The following MTDH variants were observed in gnomAD, a reference collection of about 807,000 sequenced individuals.
The protein encoded by MTDH is protein LYRIC.
A neutral mutation model predicts 72.7 loss-of-function variants in MTDH; 34 were observed. That is an observed-to-expected ratio of 0.47 (90% CI 0.36 to 0.62). The LOEUF (loss-of-function observed/expected upper bound fraction) is 0.62, where lower values mean the gene tolerates loss of function less well. MTDH is among the 20% of genes least tolerant of loss of function. The pLI, the probability that MTDH is intolerant of heterozygous loss-of-function variation, is 0.00. For missense variants in MTDH, 677 were observed against 699.4 expected (o/e 0.97, Z 0.36); for synonymous variants, 266 against 268.9 (o/e 0.99, Z 0.10).
chr8:97,687,716 T>G (rs902973736), intron 4 of MTDH, 111 bp downstream of exon 4: 1 of 924,766 alleles, frequency 1.1e-6, no homozygotes, highest in Non-Finnish European at 1.6e-6. Context: ...AACATCATTG[T>G]GCTGATATAC....
intron 9 of MTDH, among the ~76,000 whole-genome samples, chr8:97,714,568 G>C (rs1026560976): frequency 1.3e-5 from 2 of 150,248 alleles, no homozygotes; most frequent in Non-Finnish European, 2.9e-5. Flanking sequence ...TCACACTACT[G>C]TACTCCAGCC....
intron 1 of MTDH, among the ~76,000 whole-genome samples, chr8:97,650,676 C>T (rs1473545252): frequency 2.0e-5 from 3 of 152,142 alleles, no homozygotes; most frequent in Non-Finnish European, 2.9e-5. Flanking sequence ...TATTGTAACA[C>T]CTAGCATAAT....
In MTDH at chr8:97,644,646, A is replaced by T; in HGVS notation, c.140A>T (p.Tyr47Phe). The T allele has an allele frequency of 3.1e-6, 5 of 1,609,638 alleles. No individual in the cohort carries two copies. The highest frequency in any genetic ancestry group is 4.2e-6 in the Non-Finnish European group (5 of 1,178,992). ...GACCTGGGGCTGGAGCCGAAACGGT[A>T]CCCCGGCTGGGTGATCCTGGTGGGC... ...GLDLGLEPKR[Y>F]PGWVILVGTG... The change falls in exon 1 of 12, where the codon TAC becomes TTC. Residue 47 changes from tyrosine to phenylalanine, a missense_variant. Physicochemically the swap from Tyr to Phe is conservative, Grantham distance 22. Around this residue, in one of 3 missense-constraint regions of MTDH, gnomAD observed 467 missense variants for 469.1 expected, o/e 1.00. Coordinates refer to ENST00000336273, the MANE Select transcript of MTDH (RefSeq NM_178812.4).
In MTDH at chr8:97,716,419, G is replaced by A. The variant is rs548679944; in HGVS notation, c.1381-2630G>A. 8.6e-5 allele frequency among the ~76,000 whole-genome samples: 13 copies of A among 151,836 alleles called. No individual in the cohort carries two copies. The South Asian group carries it at 2.5e-3, about 29-fold the overall frequency. On this transcript the variant is annotated intron_variant, in intron 9 of 11. Coordinates refer to ENST00000336273, the MANE Select transcript of MTDH (RefSeq NM_178812.4). ...AGAAAAAAAAAGTTAGGCCGGGTGC[G>A]GTGGCTCATGCCTGTAATCCCAGCA...
At chr8:97,687,322 A>G (rs549652426) in intron 3 of MTDH, 107 bp from the exon 4 acceptor site, 5 of 919,538 alleles carry the variant, frequency 5.4e-6, no homozygotes, top group Non-Finnish European at 7.8e-6. Context: ...CTTAACATCT[A>G]AATTTATCAT....
intron 2 of MTDH, among the ~76,000 whole-genome samples, chr8:97,678,897 C>T (rs944153124): frequency 1.3e-5 from 2 of 152,070 alleles, no homozygotes; most frequent in Non-Finnish European, 2.9e-5. Flanking sequence ...CAGAAAATAG[C>T]CAATTTTTGA....
chr8:97,677,514 A>AAAG (rs1286372581), intron 2 of MTDH, among the ~76,000 whole-genome samples: 2 of 151,690 alleles, frequency 1.3e-5, no homozygotes, highest in Non-Finnish European at 2.9e-5. Flanking sequence ...AGAAAGAAAG[A>AAAG]AAGAAAAGAA....
rs1815279288 is a variant in MTDH at position 97,724,504 on chromosome 8, CATT to C, written c.1679-95_1679-93del. The C allele has an allele frequency of 8.5e-6, 7 of 819,620 alleles. No homozygotes were observed. The Admixed American group carries it at 1.7e-4, about 19-fold the overall frequency. 50.8% of individuals were successfully genotyped at this position (819,620 alleles called of 1,614,324 possible). On this transcript the variant is annotated intron_variant, in intron 11 of 11. Coordinates refer to ENST00000336273, the MANE Select transcript of MTDH (RefSeq NM_178812.4). Reference sequence around the variant, plus strand: ...AACATAAAATTTGAGTATTTTAAAACATTGTTTCATAGTTACTACTTTTATATT... The same window carrying C: ...AACATAAAATTTGAGTATTTTAAAACGTTTCATAGTTACTACTTTTATATT...
chr8:97,719,760 A>G lies in MTDH; in HGVS notation c.1521+571A>G, dbSNP rs900074461. ...CTAAATATCTAGGCATACAAGGGATAGACAGCTTAGACATAGAGAAAATAT... is the reference window on the plus strand; with the variant it reads ...CTAAATATCTAGGCATACAAGGGATGGACAGCTTAGACATAGAGAAAATAT... On this transcript the variant is annotated intron_variant, in intron 10 of 11. Coordinates refer to ENST00000336273, the MANE Select transcript of MTDH (RefSeq NM_178812.4). 1.5e-4 allele frequency among the ~76,000 whole-genome samples: 23 copies of G among 152,310 alleles called. 1 individual carries two copies. The highest frequency in any genetic ancestry group is 5.3e-4 in the African/African-American group (22 of 41,580).
intron 2 of MTDH, among the ~76,000 whole-genome samples, chr8:97,686,062 A>G (rs1813349926): frequency 6.6e-6 from 1 of 152,196 alleles, no homozygotes; most frequent in Non-Finnish European, 1.5e-5. Flanking sequence ...GTATTTTCAC[A>G]TTGCTTTGAA....
intron 1 of MTDH, among the ~76,000 whole-genome samples, chr8:97,652,076 T>C (rs1811793730): frequency 1.3e-5 from 2 of 152,232 alleles, no homozygotes; most frequent in African/African-American, 4.8e-5. Context: ...TTAGCTCCCC[T>C]AACCTGCAGC....
chr8:97,724,591 CTT>C lies in MTDH; in HGVS notation c.1679-4_1679-3del, dbSNP rs1563575290. On this transcript the variant is annotated splice_region_variant and splice_polypyrimidine_tract_variant and intron_variant, in intron 11 of 11. Transcript: ENST00000336273. Reference sequence around the variant, plus strand: ...TTTTTTTCTTCGTTTTCCCCCTTTTCTTTTTTAGCCAAGTCTGAAACTAGCTG... The same window carrying C: ...TTTTTTTCTTCGTTTTCCCCCTTTTCTTTTAGCCAAGTCTGAAACTAGCTG... The C allele has an allele frequency of 6.3e-7, 1 of 1,575,534 alleles. No individual in the cohort carries two copies. Among genetic ancestry groups the C allele is most frequent in the Non-Finnish European group, 8.6e-7 (1 of 1,168,510 alleles).
At position 97,727,291 on chromosome 8, in the gene MTDH, G is replaced by C. The variant is rs1167950574; in HGVS notation, c.*2621G>C. ...GAGGCAGGTGGATCACCTGAGGTCA[G>C]GAGTTTGAGACCAGCCTGGCCAATA... On this transcript the variant is annotated 3_prime_UTR_variant, in exon 12 of 12. Transcript: ENST00000336273. The C allele has an allele frequency of 6.6e-6, 1 of 151,916 alleles. No individual in the cohort carries two copies. The highest frequency in any genetic ancestry group is 1.5e-5 in the Non-Finnish European group (1 of 68,036). 9.4% of individuals were successfully genotyped at this position (151,916 alleles called of 1,614,324 possible). A position where few individuals can be genotyped will look rare whatever the true frequency, so the allele number is the denominator to read the frequency against.
chr8:97,661,651 A>G (rs1026612319), intron 2 of MTDH, among the ~76,000 whole-genome samples: 2 of 152,228 alleles, frequency 1.3e-5, no homozygotes, highest in Admixed American at 1.3e-4. Context: ...ATTTAACAAA[A>G]GAAAATGTGG....
At chr8:97,675,591 G>T (rs1428778797) in intron 2 of MTDH, among the ~76,000 whole-genome samples, 3 of 150,062 alleles carry the variant, frequency 2.0e-5, no homozygotes, top group Non-Finnish European at 4.4e-5. Context: ...TACATTCAGG[G>T]CCAGGCAAAG....
intron 10 of MTDH, among the ~76,000 whole-genome samples, chr8:97,719,904 A>G (rs1815037049): frequency 6.6e-6 from 1 of 152,240 alleles, no homozygotes; most frequent in Non-Finnish European, 1.5e-5. Context: ...TTCTATGGAA[A>G]GTATCTGTAT....
At chr8:97,646,221 CAGTT>C (rs1407264326) in intron 1 of MTDH, among the ~76,000 whole-genome samples, 6 of 152,024 alleles carry the variant, frequency 3.9e-5, no homozygotes, top group Non-Finnish European at 5.9e-5. Context: ...TGACAGGTCA[CAGTT>C]AGTGCATTAT....
At chr8:97,647,243 G>A (rs751731139) in intron 1 of MTDH, among the ~76,000 whole-genome samples, 21 of 152,060 alleles carry the variant, frequency 1.4e-4, no homozygotes, top group Non-Finnish European at 2.6e-4. Context: ...TGTTTCAGTC[G>A]TGGAAAAAGA....
At chr8:97,690,063 C>T (rs576264437) in intron 5 of MTDH, among the ~76,000 whole-genome samples, 2 of 149,770 alleles carry the variant, frequency 1.3e-5, no homozygotes, top group Admixed American at 6.7e-5. Context: ...GGCACAATCT[C>T]GGCTCACTGC....
Sources: gnomAD v4.1 joint callset for allele counts (sites outside exome capture counted in the v4.1 genomes callset) on GRCh38, gnomAD v4.1.1 for gene constraint, gnomAD v4.1.1 regional missense constraint, MANE v1.5 for transcripts, NCBI Gene and HGNC (gene_info 2026-07-23, HGNC 2026-07-21) for gene names.